SDC1: variants seen among roughly 807,000 people sequenced by gnomAD.
The protein encoded by SDC1 is syndecan 1, also known as syndecan-1.
Under a neutral mutation model 29.7 loss-of-function variants are expected in SDC1, and 14 were observed. The observed-to-expected ratio is 0.47, with a 90% CI of 0.31 to 0.74. The LOEUF (loss-of-function observed/expected upper bound fraction) is 0.74, where lower values mean the gene tolerates loss of function less well. Ranked by LOEUF, SDC1 falls within the 30% of genes least tolerant of loss-of-function variation. The probability of loss-of-function intolerance (pLI) is 0.05; values close to 1 mark genes in which losing one functional copy is unlikely to be tolerated. For synonymous variants in SDC1, 204 were observed against 175.5 expected, an observed-to-expected ratio of 1.16 and a Z score of -1.29; for missense variants, 406 against 400.3, an observed-to-expected ratio of 1.01 and a Z score of -0.12.
At chr2:20,223,416 C>G (rs909918964) in intron 1 of SDC1, 1 of 549,230 alleles carries the variant, frequency 1.8e-6, no homozygotes, top group African/African-American at 2.0e-5. Context: ...ACCCCGCCCC[C>G]GCCCCTTCCC....
chr2:20,222,635 C>T (rs2148298666), intron 1 of SDC1, among the ~76,000 whole-genome samples: 1 of 152,268 alleles, frequency 6.6e-6, no homozygotes, highest in South Asian at 2.1e-4. Flanking sequence ...TTTTGAGACT[C>T]TCCTGCCTCC....
At chr2:20,212,965 C>T (rs1677516846) in intron 1 of SDC1, among the ~76,000 whole-genome samples, 1 of 152,204 alleles carries the variant, frequency 6.6e-6, no homozygotes, top group African/African-American at 2.4e-5. Flanking sequence ...GAGGTCAGGG[C>T]TTTACAGATG....
chr2:20,213,434 A>C (rs958195237), intron 1 of SDC1, among the ~76,000 whole-genome samples: 1 of 151,994 alleles, frequency 6.6e-6, no homozygotes, highest in Non-Finnish European at 1.5e-5. Context: ...AACACCCCCC[A>C]CTTAGGGACC....
In SDC1 at chr2:20,202,742, C is replaced by T. The variant is rs750709228; in HGVS notation, c.*24G>A. On this transcript the variant is annotated 3_prime_UTR_variant, in exon 5 of 5. Coordinates refer to ENST00000254351, the MANE Select transcript of SDC1 (RefSeq NM_002997.5). ...AGTGGGGGCCTAGTGAGTGGCAGGG[C>T]GGAGGGGGCGCATGGCTCCCGCGTC... is the stretch of plus-strand genomic sequence containing the variant. The T allele has an allele frequency of 1.8e-5, 29 of 1,569,182 alleles. No homozygotes were observed. The highest frequency in any genetic ancestry group is 6.8e-5 in the African/African-American group (5 of 73,938).
chr2:20,218,878 G>T (rs958314815), intron 1 of SDC1, among the ~76,000 whole-genome samples: 1 of 152,040 alleles, frequency 6.6e-6, no homozygotes, highest in African/African-American at 2.4e-5. Context: ...ACCCTCAGGT[G>T]AATCACTAGG....
At chr2:20,217,201 G>A (rs746671853) in intron 1 of SDC1, among the ~76,000 whole-genome samples, 1 of 152,198 alleles carries the variant, frequency 6.6e-6, no homozygotes, top group Non-Finnish European at 1.5e-5. Context: ...GTGGGGAGAC[G>A]TGACAGGTGC....
intron 1 of SDC1, among the ~76,000 whole-genome samples, chr2:20,213,279 C>A (rs754266734): frequency 1.3e-5 from 2 of 152,212 alleles, no homozygotes; most frequent in African/African-American, 2.4e-5. Context: ...GCTTTCCCCC[C>A]CTGGCAAAAC....
chr2:20,218,421 C>T (rs1034053457), intron 1 of SDC1, among the ~76,000 whole-genome samples: 5 of 152,172 alleles, frequency 3.3e-5, no homozygotes, highest in African/African-American at 1.2e-4. Context: ...CCAGGCCCCC[C>T]AAAACTGAGA....
chr2:20,221,121 G>A (rs1011910164), intron 1 of SDC1, among the ~76,000 whole-genome samples: 4 of 152,164 alleles, frequency 2.6e-5, no homozygotes, highest in Admixed American at 2.6e-4. Flanking sequence ...GGGAGGTAGA[G>A]GGGAGACTGC....
At chr2:20,218,640 G>C (rs1366192419) in intron 1 of SDC1, among the ~76,000 whole-genome samples, 1 of 148,162 alleles carries the variant, frequency 6.7e-6, no homozygotes, top group Non-Finnish European at 1.5e-5. Flanking sequence ...TAAACACACA[G>C]ACACACACAC....
Position 20,202,915 on chromosome 2 carries a change from C to A in SDC1, c.784G>T (p.Val262Leu). The A allele has an allele frequency of 6.2e-7, 1 of 1,612,200 alleles. No homozygotes were observed. Among genetic ancestry groups the A allele is most frequent in the South Asian group, 1.1e-5 (1 of 90,776 alleles). The change falls in exon 5 of 5, where the codon GTG becomes TTG. Residue 262 changes from valine to leucine, a missense_variant. Transcript: ENST00000254351. ...VLGGVIAGGL[V>L]GLIFAVCLVG... Reference sequence around the variant, plus strand: ...AGGCACACAGCAAAGATGAGCCCCACGAGGCCTCCGGCAATGACCCCTAGG... The same window carrying A: ...AGGCACACAGCAAAGATGAGCCCCAAGAGGCCTCCGGCAATGACCCCTAGG...
rs115514868 is a variant in SDC1 at position 20,206,872 on chromosome 2, G to C, written c.67-1448C>G. Reference sequence around the variant, plus strand: ...TGGGCACCCACAAACAGTGGCCACTGTCTAACTAGGGGAGCCTCAAATGCC... The same window carrying C: ...TGGGCACCCACAAACAGTGGCCACTCTCTAACTAGGGGAGCCTCAAATGCC... On this transcript the variant is annotated intron_variant, in intron 1 of 4. Coordinates refer to ENST00000254351, the MANE Select transcript of SDC1 (RefSeq NM_002997.5). 6.5e-3 allele frequency among the ~76,000 whole-genome samples: 986 copies of C among 152,372 alleles called. 14 individuals are homozygous for C. Among genetic ancestry groups the C allele is most frequent in the African/African-American group, 0.023 (939 of 41,580 alleles).
chr2:20,218,834 G>GAC (rs544604505), intron 1 of SDC1, among the ~76,000 whole-genome samples: 19 of 149,976 alleles, frequency 1.3e-4, no homozygotes, highest in Admixed American at 2.7e-4. Flanking sequence ...CACACACACA[G>GAC]ACACACACAC....
intron 1 of SDC1, among the ~76,000 whole-genome samples, chr2:20,209,235 C>G (rs1393594640): frequency 6.6e-6 from 1 of 152,190 alleles, no homozygotes; most frequent in Non-Finnish European, 1.5e-5. Flanking sequence ...TTCTTCCCTA[C>G]AACTCCCCTG....
intron 1 of SDC1, among the ~76,000 whole-genome samples, chr2:20,205,691 G>T (rs1247492515): frequency 6.6e-6 from 1 of 152,140 alleles, no homozygotes; most frequent in African/African-American, 2.4e-5. Flanking sequence ...ACCCTGAGAA[G>T]CTCAGTCTGG....
chr2:20,215,723 T>G (rs1456553320), intron 1 of SDC1, among the ~76,000 whole-genome samples: 1 of 152,198 alleles, frequency 6.6e-6, no homozygotes, highest in Non-Finnish European at 1.5e-5. Context: ...AAACTGAGGC[T>G]GGGGTAGGTG....
chr2:20,216,280 G>A (rs529757504), intron 1 of SDC1, among the ~76,000 whole-genome samples: 2 of 152,272 alleles, frequency 1.3e-5, no homozygotes, highest in South Asian at 2.1e-4. Flanking sequence ...GCCCAAGCAC[G>A]GCCCACAATC....
intron 2 of SDC1, among the ~76,000 whole-genome samples, chr2:20,204,809 GCCAC>G: frequency 4.6e-5 from 7 of 152,106 alleles, no homozygotes; most frequent in African/African-American, 1.7e-4. Flanking sequence ...CCACTCAAGA[GCCAC>G]CTCCTCTGTG....
upstream of SDC1, chr2:20,225,158 C>T (rs1427318850): frequency 8.4e-6 from 2 of 238,852 alleles, no homozygotes; most frequent in East Asian, 8.3e-5. Context: ...TCCGCCAGGT[C>T]TCCCGGCCAG....
Sources: allele counts gnomAD v4.1 joint callset (sites outside exome capture counted in the v4.1 genomes callset), GRCh38; gene constraint gnomAD v4.1.1; transcripts MANE v1.5; gene names NCBI Gene and HGNC (gene_info 2026-07-23, HGNC 2026-07-21).